Variants in GULP1 observed in about 807,000 individuals in gnomAD.
The protein encoded by GULP1 is GULP PTB domain containing engulfment adaptor 1, also known as PTB domain-containing engulfment adapter protein 1.
In GULP1, 19 loss-of-function variants were observed where a neutral mutation model predicts 40.9. The observed-to-expected ratio is 0.46, with a 90% CI of 0.32 to 0.68. The LOEUF is 0.68. Ranked by LOEUF, GULP1 falls within the 30% of genes least tolerant of loss-of-function variation. GULP1 has a pLI of 0.03. For missense variants in GULP1, 312 were observed against 362.2 expected (o/e 0.86, Z 1.12); for synonymous variants, 119 against 117.6 (o/e 1.01, Z -0.08).
chr2:188,423,297 A>T (rs2055711307), intron 2 of GULP1, among the ~76,000 whole-genome samples: 1 of 152,080 alleles, frequency 6.6e-6, no homozygotes, highest in Admixed American at 6.6e-5. Flanking sequence ...AAACAGTTGA[A>T]TGTGTAGGAA....
chr2:188,439,227 A>G (rs59668663), intron 2 of GULP1, among the ~76,000 whole-genome samples: 1,850 of 152,240 alleles, frequency 0.012, 16 homozygotes, highest in East Asian at 0.022. Context: ...TGGATTTCAT[A>G]AAGATTAAAA....
chr2:188,493,444 G>C (rs771284725), intron 4 of GULP1, among the ~76,000 whole-genome samples: 2 of 151,674 alleles, frequency 1.3e-5, no homozygotes, highest in Non-Finnish European at 2.9e-5. Flanking sequence ...TGTTCCTCTG[G>C]GTTCTATCGT....
intron 1 of GULP1, among the ~76,000 whole-genome samples, chr2:188,314,519 A>G (rs774308980): frequency 1.3e-5 from 2 of 152,152 alleles, no homozygotes; most frequent in African/African-American, 2.4e-5. Context: ...GGCCTCAGCC[A>G]AATTTGTAGT....
chr2:188,371,121 GT>G (rs2047547378), intron 1 of GULP1, among the ~76,000 whole-genome samples: 1 of 152,090 alleles, frequency 6.6e-6, no homozygotes, highest in South Asian at 2.1e-4. Flanking sequence ...GAATACTATG[GT>G]TTCCTTGATT....
chr2:188,463,939 T>C (rs1027806439), intron 2 of GULP1, among the ~76,000 whole-genome samples: 4 of 152,198 alleles, frequency 2.6e-5, no homozygotes, highest in African/African-American at 9.6e-5. Flanking sequence ...CTTTAAGTTT[T>C]TTTCATTCAG....
chr2:188,436,181 C>T (rs939996176), intron 2 of GULP1, among the ~76,000 whole-genome samples: 2 of 152,034 alleles, frequency 1.3e-5, no homozygotes, highest in African/African-American at 4.8e-5. Flanking sequence ...ATCCAACCAT[C>T]ACAGCTTGCC....
At chr2:188,396,632 C>G (rs2051311787) in intron 2 of GULP1, among the ~76,000 whole-genome samples, 1 of 152,196 alleles carries the variant, frequency 6.6e-6, no homozygotes, top group South Asian at 2.1e-4. Flanking sequence ...CACAGCCGTC[C>G]CAGTCTGCCG....
chr2:188,547,884 G>A (rs1264149662), intron 7 of GULP1, among the ~76,000 whole-genome samples: 2 of 151,988 alleles, frequency 1.3e-5, no homozygotes, highest in African/African-American at 4.8e-5. Context: ...GAAGAAACGT[G>A]ATAATACCAG....
chr2:188,382,994 T>C (rs745813281), intron 1 of GULP1, among the ~76,000 whole-genome samples: 2 of 152,164 alleles, frequency 1.3e-5, no homozygotes, highest in Non-Finnish European at 2.9e-5. Flanking sequence ...GGGGTTTGTA[T>C]CAAAGTTATG....
At chr2:188,584,025 A>G (rs1701851328) in intron 9 of GULP1, among the ~76,000 whole-genome samples, 1 of 152,154 alleles carries the variant, frequency 6.6e-6, no homozygotes, top group African/African-American at 2.4e-5. Flanking sequence ...CGTTTTTGCC[A>G]TCATCTTTGA....
rs1466441212 is a variant in GULP1 at position 188,292,369 on chromosome 2, G to A, written c.-172+203G>A. The stretch of plus-strand genomic sequence containing the variant: ...ATTAGGACAGCTAAATGCTCAGGGA[G>A]TCGTCCAGCACTAAAGGAGGCTAAG... On this transcript the variant is annotated intron_variant, in intron 1 of 11. Coordinates refer to ENST00000409830, the MANE Select transcript of GULP1 (RefSeq NM_016315.4). This position sits in a 1 kb window ranked among gnomAD's most constrained non-coding sequence, Gnocchi z 4.0. 6.6e-6 allele frequency: 1 copy of A among 152,434 alleles called. No homozygotes were observed. Among genetic ancestry groups the A allele is most frequent in the Non-Finnish European group, 1.5e-5 (1 of 68,206 alleles). 9.4% of individuals were successfully genotyped at this position (152,434 alleles called of 1,614,324 possible). A position where few individuals can be genotyped will look rare whatever the true frequency, so the allele number is the denominator to read the frequency against.
At chr2:188,470,135 T>C (rs1477194771) in intron 2 of GULP1, among the ~76,000 whole-genome samples, 1 of 152,182 alleles carries the variant, frequency 6.6e-6, no homozygotes, top group Non-Finnish European at 1.5e-5. Context: ...GTAGTATTGG[T>C]ATTAATTCTC....
chr2:188,578,014 CTTAA>C (rs1265531930), intron 9 of GULP1, among the ~76,000 whole-genome samples: 1 of 151,334 alleles, frequency 6.6e-6, no homozygotes, highest in African/African-American at 2.4e-5. Flanking sequence ...TTAATTATTT[CTTAA>C]TTTAATTATA....
At chr2:188,449,611 A>G (rs72911455) in intron 2 of GULP1, among the ~76,000 whole-genome samples, 3 of 152,194 alleles carry the variant, frequency 2.0e-5, no homozygotes, top group Non-Finnish European at 1.5e-5. Context: ...ATGGAGTACA[A>G]TGATGAAGCT....
At chr2:188,525,613 A>T (rs1289535385) in intron 5 of GULP1, among the ~76,000 whole-genome samples, 1 of 152,132 alleles carries the variant, frequency 6.6e-6, no homozygotes. Context: ...GTAAGTATTG[A>T]TATATAGATT....
intron 1 of GULP1, among the ~76,000 whole-genome samples, chr2:188,360,408 C>T (rs1422461472): frequency 2.0e-5 from 3 of 152,016 alleles, no homozygotes; most frequent in African/African-American, 7.2e-5. Context: ...AATTAAATTT[C>T]CTCCAATGGC....
intron 2 of GULP1, among the ~76,000 whole-genome samples, chr2:188,444,992 T>A (rs962930335): frequency 1.3e-5 from 2 of 152,214 alleles, no homozygotes; most frequent in Admixed American, 6.5e-5. Context: ...TATTATTTAA[T>A]GTTAATATCC....
intron 4 of GULP1, among the ~76,000 whole-genome samples, chr2:188,497,048 CCCATTCT>C (rs1340762097): frequency 6.6e-6 from 1 of 151,916 alleles, no homozygotes; most frequent in Non-Finnish European, 1.5e-5. Flanking sequence ...TTATCAGTTA[CCCATTCT>C]CAGGTATTTC....
chr2:188,368,095 G>A (rs903137173), intron 1 of GULP1, among the ~76,000 whole-genome samples: 7 of 151,814 alleles, frequency 4.6e-5, no homozygotes, highest in Admixed American at 3.9e-4. Flanking sequence ...TCTCCCAGCT[G>A]CAGGGTATGA....
Sources: allele counts gnomAD v4.1 joint callset (sites outside exome capture counted in the v4.1 genomes callset), GRCh38; gene constraint gnomAD v4.1.1; non-coding constraint Gnocchi (gnomAD v3.1); transcripts MANE v1.5; gene names NCBI Gene and HGNC (gene_info 2026-07-23, HGNC 2026-07-21).